Variants in PRKG1 observed in about 807,000 individuals in gnomAD.
PRKG1 encodes the protein protein kinase cGMP-dependent 1, also known as cGMP-dependent protein kinase 1.
A neutral mutation model predicts 88.1 loss-of-function variants in PRKG1; 35 were observed. The ratio of observed to expected loss-of-function variants is 0.40; its 90% CI spans 0.30 to 0.53. The LOEUF is 0.53. Among genes scored for constraint, PRKG1 ranks in the 20% least tolerant of loss-of-function variants. The probability of loss-of-function intolerance (pLI) is 0.59; values close to 1 mark genes in which losing one functional copy is unlikely to be tolerated. For synonymous variants in PRKG1, 303 were observed against 292.5 expected (o/e 1.04, Z -0.37); for missense variants, 540 against 839.8 (o/e 0.64, Z 4.41).
At chr10:52,153,259 A>G (rs1273963062) in intron 8 of PRKG1, among the ~76,000 whole-genome samples, 4 of 152,128 alleles carry the variant, frequency 2.6e-5, no homozygotes, top group Admixed American at 6.5e-5. Flanking sequence ...CTTTTTTCCT[A>G]TTATATTCAG....
In PRKG1 at chr10:51,041,281, C is replaced by T. The variant is rs139377087; in HGVS notation, c.266+49637C>T. Among the ~76,000 whole-genome samples, 562 of 152,224 alleles carry T rather than the reference C, an allele frequency of 3.7e-3. 2 individuals carry two copies. Among genetic ancestry groups the T allele is most frequent in the African/African-American group, 0.012 (511 of 41,526 alleles). The stretch of plus-strand genomic sequence containing the variant: ...ACATTCAGAAGCCAAAGCCTGGAAT[C>T]GGGGACCCCAGGAGCCTGCTTGGTG... On this transcript the variant is annotated intron_variant, in intron 1 of 17. Coordinates refer to the PRKG1 transcript ENST00000401604.
intron 9 of PRKG1, among the ~76,000 whole-genome samples, chr10:52,162,556 T>A (rs2132689781): frequency 6.6e-6 from 1 of 152,218 alleles, no homozygotes; most frequent in South Asian, 2.1e-4. Flanking sequence ...GTAATCTATA[T>A]AATCCTCCCC....
Position 51,074,853 on chromosome 10 carries a change from T to C in PRKG1, c.263T>C (p.Ile88Thr). 6.2e-7 allele frequency: 1 copy of C among 1,613,248 alleles called. No homozygotes were observed. Among genetic ancestry groups the C allele is most frequent in the Non-Finnish European group, 8.5e-7 (1 of 1,179,482 alleles). ...TCCGCCGAGCCCACCGCCTTCGACA[T>C]CCAGGATCTCAGCCATGTGACCCTG... ...AISAEPTAFD[I>T]QDLSHVTLPF... Residue 88 changes from isoleucine to threonine, a missense_variant, in exon 1 of 18, where the codon ATC becomes ACC. Physicochemically the swap from Ile to Thr is moderately conservative, Grantham distance 89. Around this residue, in one of 5 missense-constraint regions of PRKG1, gnomAD observed 400 missense variants for 562.7 expected, o/e 0.71. Coordinates refer to ENST00000373980, the MANE Select transcript of PRKG1 (RefSeq NM_006258.4).
intron 5 of PRKG1, among the ~76,000 whole-genome samples, chr10:51,978,304 A>G (rs1843900945): frequency 6.6e-6 from 1 of 151,764 alleles, no homozygotes; most frequent in South Asian, 2.1e-4. Flanking sequence ...TCTCTACTCC[A>G]TTTCACTGGT....
At chr10:51,863,602 GT>G (rs1840941375) in intron 4 of PRKG1, among the ~76,000 whole-genome samples, 1 of 152,116 alleles carries the variant, frequency 6.6e-6, no homozygotes, top group Non-Finnish European at 1.5e-5. Context: ...AATGGGAGAT[GT>G]TTAGTTCATG....
intron 3 of PRKG1, among the ~76,000 whole-genome samples, chr10:51,740,136 C>G (rs1165670563): frequency 6.6e-6 from 1 of 152,062 alleles, no homozygotes; most frequent in Non-Finnish European, 1.5e-5. Context: ...CAAGTGATCC[C>G]CCCATCTCAG....
chr10:51,023,788 G>C (rs958693211), intron 1 of PRKG1, among the ~76,000 whole-genome samples: 3 of 152,086 alleles, frequency 2.0e-5, no homozygotes, highest in African/African-American at 7.2e-5. Context: ...ACTATCTTTA[G>C]AATTTAGATA....
chr10:51,114,593 C>T (rs1198398660), intron 1 of PRKG1, among the ~76,000 whole-genome samples: 7 of 152,146 alleles, frequency 4.6e-5, no homozygotes, highest in African/African-American at 1.7e-4. Context: ...TAAAAAAGAA[C>T]CTGGAAGCAA....
At chr10:51,489,776 T>C (rs962571452) in intron 3 of PRKG1, among the ~76,000 whole-genome samples, 6 of 151,832 alleles carry the variant, frequency 4.0e-5, no homozygotes, top group Middle Eastern at 3.2e-3. Context: ...GGATGATGCT[T>C]AATAGGCTGT....
chr10:51,482,434 CA>C (rs1379316558), intron 3 of PRKG1, among the ~76,000 whole-genome samples: 1 of 152,034 alleles, frequency 6.6e-6, no homozygotes, highest in Non-Finnish European at 1.5e-5. Context: ...GAATCAAAAC[CA>C]CCTAAGTGAA....
At chr10:51,092,672 A>T (rs1844426527) in intron 1 of PRKG1, among the ~76,000 whole-genome samples, 1 of 152,204 alleles carries the variant, frequency 6.6e-6, no homozygotes, top group Admixed American at 6.5e-5. Context: ...TAGCACTGTT[A>T]GCTTGCTTTC....
intron 3 of PRKG1, among the ~76,000 whole-genome samples, chr10:51,719,024 C>T (rs1383984095): frequency 1.3e-5 from 2 of 152,148 alleles, no homozygotes; most frequent in South Asian, 2.1e-4. Context: ...CAAGTGCCTG[C>T]AGTCCTAGCT....
chr10:51,881,286 GT>G (rs1841432296), intron 4 of PRKG1, among the ~76,000 whole-genome samples: 1 of 152,164 alleles, frequency 6.6e-6, no homozygotes. Context: ...ACCTTAGACT[GT>G]TAAAACAACA....
At position 52,295,176 on chromosome 10, in the gene PRKG1, T is replaced by C. The variant is rs1280256371; in HGVS notation, c.*1276T>C. 1 of 152,008 alleles carries C rather than the reference T, an allele frequency of 6.6e-6. No homozygotes were observed. The highest frequency in any genetic ancestry group is 1.5e-5 in the Non-Finnish European group (1 of 67,956). 9.4% of individuals were successfully genotyped at this position (152,008 alleles called of 1,614,324 possible). A position where few individuals can be genotyped will look rare whatever the true frequency, so the allele number is the denominator to read the frequency against. ...GAAAGCCCAAAGTCAAAGTTGTTAATATTTACAGGTTTACCAGATCTGGAA... is the reference window on the plus strand; with the variant it reads ...GAAAGCCCAAAGTCAAAGTTGTTAACATTTACAGGTTTACCAGATCTGGAA... On this transcript the variant is annotated 3_prime_UTR_variant, in exon 18 of 18. Transcript: ENST00000373980.
chr10:51,405,629 C>A (rs560092376), intron 2 of PRKG1, among the ~76,000 whole-genome samples: 4 of 152,272 alleles, frequency 2.6e-5, no homozygotes, highest in African/African-American at 9.6e-5. Context: ...CTTTGGCAAA[C>A]TTTTACTAGG....
chr10:51,408,216 C>G (rs553161249), intron 2 of PRKG1, among the ~76,000 whole-genome samples: 1 of 152,286 alleles, frequency 6.6e-6, no homozygotes, highest in East Asian at 1.9e-4. Flanking sequence ...TTTGTCCCAG[C>G]CCTGCAAAGT....
intron 3 of PRKG1, among the ~76,000 whole-genome samples, chr10:51,562,916 A>G (rs1837506774): frequency 2.0e-5 from 3 of 151,184 alleles, no homozygotes; most frequent in Admixed American, 2.0e-4. Context: ...CTACAGGTGC[A>G]TGCCACCATG....
intron 4 of PRKG1, among the ~76,000 whole-genome samples, chr10:51,842,070 A>G (rs1028451557): frequency 6.6e-6 from 1 of 152,316 alleles, no homozygotes; most frequent in East Asian, 1.9e-4. Context: ...ATTCTCAGCT[A>G]ACACAGATGG....
intron 5 of PRKG1, among the ~76,000 whole-genome samples, chr10:52,005,034 C>G (rs1294408543): frequency 1.1e-4 from 17 of 152,080 alleles, no homozygotes; most frequent in Admixed American, 1.1e-3. Flanking sequence ...TTTTAGGAGC[C>G]AACAAAATAT....
Sources: gnomAD v4.1 joint callset for allele counts (sites outside exome capture counted in the v4.1 genomes callset) on GRCh38, gnomAD v4.1.1 for gene constraint, gnomAD v4.1.1 regional missense constraint, MANE v1.5 for transcripts, NCBI Gene and HGNC (gene_info 2026-07-23, HGNC 2026-07-21) for gene names.